The following SMOC1 variants were observed in gnomAD, a reference collection of about 807,000 sequenced individuals.
SMOC1 encodes SPARC related modular calcium binding 1.
Under a neutral mutation model 56.3 loss-of-function variants are expected in SMOC1, and 22 were observed. The ratio of observed to expected loss-of-function variants is 0.39; its 90% CI spans 0.28 to 0.56. The LOEUF (loss-of-function observed/expected upper bound fraction) is 0.56. Ranked by LOEUF, SMOC1 falls within the 20% of genes least tolerant of loss-of-function variation. SMOC1 has a pLI of 0.61. For missense variants in SMOC1, 509 were observed against 565.4 expected, an observed-to-expected ratio of 0.90 and a Z score of 1.01; for synonymous variants, 193 against 215.0, an observed-to-expected ratio of 0.90 and a Z score of 0.89.
At chr14:69,951,932 G>A (rs912766069) in intron 1 of SMOC1, among the ~76,000 whole-genome samples, 10 of 152,182 alleles carry the variant, frequency 6.6e-5, no homozygotes, top group Non-Finnish European at 4.4e-5. Context: ...GTCAGTAATT[G>A]TTAGACATTA....
At chr14:70,029,173 C>T (rs1479560943) in intron 11 of SMOC1, among the ~76,000 whole-genome samples, 4 of 152,202 alleles carry the variant, frequency 2.6e-5, no homozygotes, top group African/African-American at 7.2e-5. Flanking sequence ...CCCAGCTCCT[C>T]GCTCCTCTTC....
At chr14:69,970,882 G>A (rs995465166) in intron 3 of SMOC1, among the ~76,000 whole-genome samples, 5 of 152,186 alleles carry the variant, frequency 3.3e-5, no homozygotes, top group African/African-American at 1.2e-4. Flanking sequence ...TCTTTATCTG[G>A]ATGGGGGTTG....
At chr14:69,948,166 G>GC (rs1316864409) in intron 1 of SMOC1, among the ~76,000 whole-genome samples, 1 of 152,212 alleles carries the variant, frequency 6.6e-6, no homozygotes, top group African/African-American at 2.4e-5. Flanking sequence ...GGGCCCTGGA[G>GC]CTTTGGGTGA....
intron 1 of SMOC1, among the ~76,000 whole-genome samples, chr14:69,907,919 C>T (rs776419521): frequency 6.6e-6 from 1 of 152,184 alleles, no homozygotes; most frequent in Non-Finnish European, 1.5e-5. Flanking sequence ...TTTATAAAGG[C>T]TCTAATGCCA....
intron 1 of SMOC1, 136 bp from the exon 2 acceptor site, chr14:69,952,002 C>T (rs113302091): frequency 0.022 from 21,734 of 970,194 alleles, 319 homozygotes; most frequent in Non-Finnish European, 0.026. Flanking sequence ...TGCTCCGTTC[C>T]CTTCACCTTT....
rs1407995807 is a variant in SMOC1, at chr14:69,975,829, G to A, written c.478+15G>A. The A allele has an allele frequency of 1.3e-6, 2 of 1,590,532 alleles. No individual in the cohort carries two copies. The highest frequency in any genetic ancestry group is 1.7e-6 in the Non-Finnish European group (2 of 1,160,614). ...TGTATGTTCAGGTACCGTAGGGAGG[G>A]GCGGGAAGAATGAAAAGGGTTGGAG... On this transcript the variant is annotated intron_variant, in intron 4 of 11. Coordinates refer to ENST00000361956, the MANE Select transcript of SMOC1 (RefSeq NM_001034852.3).
At chr14:70,013,591 G>A in intron 10 of SMOC1, 100 bp downstream of exon 10, 2 of 972,916 alleles carry the variant, frequency 2.1e-6, no homozygotes, top group Admixed American at 1.7e-5. Context: ...GTTTGAGGAG[G>A]GCAAGGGCTG....
At chr14:69,892,583 T>C (rs745720721) in intron 1 of SMOC1, among the ~76,000 whole-genome samples, 2 of 152,210 alleles carry the variant, frequency 1.3e-5, no homozygotes, top group Admixed American at 6.5e-5. Flanking sequence ...GTACAATGGA[T>C]TGCCATGGAC....
At chr14:69,882,518 A>G (rs1233668349) in intron 1 of SMOC1, among the ~76,000 whole-genome samples, 3 of 152,198 alleles carry the variant, frequency 2.0e-5, no homozygotes. Context: ...TTATGTAGGA[A>G]GCACCTGATT....
At chr14:69,893,410 C>A (rs141163766) in intron 1 of SMOC1, among the ~76,000 whole-genome samples, 197 of 152,230 alleles carry the variant, frequency 1.3e-3, no homozygotes, top group African/African-American at 4.6e-3. Context: ...GCTAAAGTTC[C>A]CTTCTCAAGG....
At chr14:69,892,349 C>T (rs1883984411) in intron 1 of SMOC1, among the ~76,000 whole-genome samples, 1 of 152,188 alleles carries the variant, frequency 6.6e-6, no homozygotes, top group African/African-American at 2.4e-5. Flanking sequence ...TTGTTCCATG[C>T]TTCAGAAATT....
chr14:69,879,584 A>T lies in SMOC1; in HGVS notation c.-95A>T, dbSNP rs2139274632. 1.0e-6 allele frequency: 1 copy of T among 987,830 alleles called. No individual in the cohort carries two copies. The allele number at this position is 987,830 out of a possible 1,614,324, so 61.2% of individuals were successfully genotyped here. A position where few individuals can be genotyped will look rare whatever the true frequency, so the allele number is the denominator to read the frequency against. On this transcript the variant is annotated 5_prime_UTR_variant, in exon 1 of 12. Transcript: ENST00000361956. The stretch of plus-strand genomic sequence containing the variant: ...CCACGGCCCGCTCCCCGCCGCCGCG[A>T]GGGCCCCGAGCGAAGGAAGGAAGGG...
chr14:69,990,641 A>G (rs1171984043), intron 5 of SMOC1, among the ~76,000 whole-genome samples: 1 of 152,166 alleles, frequency 6.6e-6, no homozygotes, highest in Non-Finnish European at 1.5e-5. Flanking sequence ...AAAAAATGAC[A>G]TTGTGTGGCT....
chr14:69,940,954 A>G (rs1271912070), intron 1 of SMOC1, among the ~76,000 whole-genome samples: 1 of 152,174 alleles, frequency 6.6e-6, no homozygotes. Flanking sequence ...TGTGTGCACA[A>G]GCAGAAAATA....
intron 10 of SMOC1, among the ~76,000 whole-genome samples, chr14:70,021,255 G>A (rs1207925970): frequency 2.6e-5 from 4 of 152,172 alleles, no homozygotes; most frequent in African/African-American, 4.8e-5. Context: ...GGGAAAGGCA[G>A]GGACAGGCAG....
At chr14:69,884,964 T>A (rs1035596435) in intron 1 of SMOC1, among the ~76,000 whole-genome samples, 1 of 152,208 alleles carries the variant, frequency 6.6e-6, no homozygotes, top group Non-Finnish European at 1.5e-5. Flanking sequence ...TCTATTTCTA[T>A]GAAGAACATC....
chr14:69,888,608 G>A lies in SMOC1; in HGVS notation c.99+8831G>A, dbSNP rs143400644. On this transcript the variant is annotated intron_variant, in intron 1 of 11. Coordinates refer to ENST00000361956, the MANE Select transcript of SMOC1 (RefSeq NM_001034852.3). Reference sequence around the variant, plus strand: ...CTAGAGGTTTGAACAACTACGCCTCGCCTCCTTAAAATCTATTTTACACTA... The same window carrying A: ...CTAGAGGTTTGAACAACTACGCCTCACCTCCTTAAAATCTATTTTACACTA... Among the ~76,000 whole-genome samples, 1,312 of 152,210 alleles carry A rather than the reference G, an allele frequency of 8.6e-3. 15 individuals carry two copies. The highest frequency in any genetic ancestry group is 0.029 in the African/African-American group (1,223 of 41,504).
In SMOC1 at chr14:70,005,396, A is replaced by C. The variant is rs533797995; in HGVS notation, c.665-5358A>C. On this transcript the variant is annotated intron_variant, in intron 7 of 11. Coordinates refer to ENST00000361956, the MANE Select transcript of SMOC1 (RefSeq NM_001034852.3). ...CTTATCCTCTCTTGGTGGGATGTGA[A>C]AGAACCCGTGCCCTGGGCCTGGAGA... Among the ~76,000 whole-genome samples, 55 of 152,290 alleles carry C rather than the reference A, an allele frequency of 3.6e-4. No individual in the cohort carries two copies. In the Middle Eastern group the frequency reaches 0.01, roughly 28 times the overall value.
At chr14:69,903,631 G>T (rs1884325400) in intron 1 of SMOC1, among the ~76,000 whole-genome samples, 1 of 152,170 alleles carries the variant, frequency 6.6e-6, no homozygotes, top group African/African-American at 2.4e-5. Context: ...TGAAACATGT[G>T]CTGTGTCCAG....
Sources: allele counts gnomAD v4.1 joint callset (sites outside exome capture counted in the v4.1 genomes callset), GRCh38; gene constraint gnomAD v4.1.1; transcripts MANE v1.5; gene names NCBI Gene and HGNC (gene_info 2026-07-23, HGNC 2026-07-21).